The following RBFOX1 variants were observed in gnomAD, a reference collection of about 807,000 sequenced individuals.
RBFOX1 encodes RNA binding protein fox-1 homolog 1.
Under a neutral mutation model 57.7 loss-of-function variants are expected in RBFOX1, and 8 were observed. The ratio of observed to expected loss-of-function variants is 0.14; its 90% CI spans 0.08 to 0.25. The LOEUF is 0.25. Among genes scored for constraint, RBFOX1 ranks in the 10% least tolerant of loss-of-function variants. The probability of loss-of-function intolerance (pLI) is 1.00; values close to 1 mark genes in which losing one functional copy is unlikely to be tolerated. For synonymous variants in RBFOX1, 326 were observed against 222.4 expected, an observed-to-expected ratio of 1.47 and a Z score of -4.15; for missense variants, 611 against 548.5, an observed-to-expected ratio of 1.11 and a Z score of -1.14.
At chr16:7,651,900 G>C (rs78869338) in intron 11 of RBFOX1, among the ~76,000 whole-genome samples, 1 of 152,226 alleles carries the variant, frequency 6.6e-6, no homozygotes, top group Non-Finnish European at 1.5e-5. Context: ...AGTGAGATGG[G>C]ACAAGCGTAG....
chr16:5,359,081 T>C (rs1457770430), intron 1 of RBFOX1, among the ~76,000 whole-genome samples: 1 of 152,242 alleles, frequency 6.6e-6, no homozygotes, highest in African/African-American at 2.4e-5. Context: ...TTTCTGTGCC[T>C]GGCTTATTTC....
At chr16:6,900,526 C>T (rs978663263) in intron 3 of RBFOX1, among the ~76,000 whole-genome samples, 1 of 152,192 alleles carries the variant, frequency 6.6e-6, no homozygotes, top group African/African-American at 2.4e-5. Flanking sequence ...CCCTGCCCTT[C>T]TCTCAACACT....
chr16:6,060,122 G>GTTTTT lies in RBFOX1; in HGVS notation c.-127+40162_-127+40166dup, dbSNP rs199690584. Reference sequence around the variant, plus strand: ...ATTTGGCCCTAAAATTAGGATTAGGGTTTTTTTTTTTTTTTTTTTTTTTTT... The same window carrying GTTTTT: ...ATTTGGCCCTAAAATTAGGATTAGGGTTTTTTTTTTTTTTTTTTTTTTTTTTTTTT... On this transcript the variant is annotated intron_variant, in intron 1 of 15. Transcript: ENST00000550418. 7.0e-4 allele frequency among the ~76,000 whole-genome samples: 80 copies of GTTTTT among 114,188 alleles called. 5 individuals are homozygous for GTTTTT. The highest frequency in any genetic ancestry group is 1.5e-3 in the African/African-American group (42 of 27,742). 74.9% of individuals were successfully genotyped at this position (114,188 alleles called of 152,430 possible). A position where few individuals can be genotyped will look rare whatever the true frequency, so the allele number is the denominator to read the frequency against.
chr16:6,070,664 T>C (rs1050206900), intron 1 of RBFOX1, among the ~76,000 whole-genome samples: 7 of 146,700 alleles, frequency 4.8e-5, no homozygotes, highest in Admixed American at 3.4e-4. Flanking sequence ...GTTTAGCTTT[T>C]CTAAAAAAAA....
At chr16:6,401,334 A>T (rs928536344) in intron 2 of RBFOX1, among the ~76,000 whole-genome samples, 3 of 152,216 alleles carry the variant, frequency 2.0e-5, no homozygotes, top group South Asian at 2.1e-4. Flanking sequence ...GTGTACACTG[A>T]TATAAATAAA....
intron 3 of RBFOX1, among the ~76,000 whole-genome samples, chr16:5,627,361 A>C (rs1412585069): frequency 6.6e-6 from 1 of 152,136 alleles, no homozygotes; most frequent in Non-Finnish European, 1.5e-5. Flanking sequence ...GTAAAACAGA[A>C]ACCAAATTGT....
intron 1 of RBFOX1, among the ~76,000 whole-genome samples, chr16:6,244,265 C>T (rs1352512001): frequency 6.6e-6 from 1 of 151,754 alleles, no homozygotes; most frequent in Non-Finnish European, 1.5e-5. Context: ...ATGCCATTTC[C>T]TGCAGAATGA....
intron 12 of RBFOX1, among the ~76,000 whole-genome samples, chr16:7,658,442 T>C (rs1041248466): frequency 6.6e-6 from 1 of 152,058 alleles, no homozygotes; most frequent in Admixed American, 6.6e-5. Flanking sequence ...GATCCTGGAC[T>C]CAATTTGACT....
chr16:6,917,745 A>T lies in RBFOX1; in HGVS notation c.-15-134312A>T, dbSNP rs535598783. Among the ~76,000 whole-genome samples the T allele has an allele frequency of 3.3e-5, 5 of 152,298 alleles. No homozygotes were observed. The East Asian group carries it at 9.7e-4, about 29-fold the overall frequency. On this transcript the variant is annotated intron_variant, in intron 3 of 15. Transcript: ENST00000550418. ...GGGAACCTCGGCATTCCAAGTGGACATATTTCATATCCTCAGGGCTTGTTC... is the reference window on the plus strand; with the variant it reads ...GGGAACCTCGGCATTCCAAGTGGACTTATTTCATATCCTCAGGGCTTGTTC...
At chr16:6,590,366 C>T (rs923242592) in intron 2 of RBFOX1, among the ~76,000 whole-genome samples, 2 of 152,144 alleles carry the variant, frequency 1.3e-5, no homozygotes, top group African/African-American at 4.8e-5. Context: ...TTCTTCCCAC[C>T]TCCCTGGGGT....
intron 2 of RBFOX1, among the ~76,000 whole-genome samples, chr16:6,500,063 G>A (rs977206677): frequency 9.9e-5 from 15 of 152,106 alleles, no homozygotes; most frequent in Non-Finnish European, 4.4e-5. Context: ...TGTGAACCGG[G>A]TGTGAATGAT....
intron 4 of RBFOX1, among the ~76,000 whole-genome samples, chr16:7,067,358 T>A (rs1342216427): frequency 6.6e-6 from 1 of 152,082 alleles, no homozygotes; most frequent in East Asian, 1.9e-4. Flanking sequence ...TGCAGTTCTT[T>A]AGGTCAGAAT....
intron 2 of RBFOX1, among the ~76,000 whole-genome samples, chr16:6,541,824 C>G (rs949668833): frequency 2.6e-5 from 4 of 152,170 alleles, no homozygotes; most frequent in Admixed American, 6.5e-5. Flanking sequence ...GCGAAAAAGA[C>G]TTACAAACAA....
At chr16:6,836,274 A>G (rs926333252) in intron 3 of RBFOX1, among the ~76,000 whole-genome samples, 1 of 152,216 alleles carries the variant, frequency 6.6e-6, no homozygotes, top group Non-Finnish European at 1.5e-5. Flanking sequence ...AATCTGTTTT[A>G]CAAGCAATGA....
At chr16:6,055,242 T>A (rs12709149) in intron 1 of RBFOX1, among the ~76,000 whole-genome samples, 141,305 of 152,156 alleles carry the variant, frequency 0.93, 65,726 homozygotes, top group African/African-American at 0.97. Flanking sequence ...CATCTGTTCT[T>A]CTTTCAATGC....
chr16:6,179,728 T>C (rs1044651622), intron 1 of RBFOX1, among the ~76,000 whole-genome samples: 3 of 152,176 alleles, frequency 2.0e-5, no homozygotes, highest in Non-Finnish European at 4.4e-5. Context: ...ATACATCTAT[T>C]GGTATAAGGA....
chr16:6,927,414 C>CAAAAAAAAAAAAAAAAA (rs1194663760), intron 3 of RBFOX1, among the ~76,000 whole-genome samples: 3 of 53,154 alleles, frequency 5.6e-5, no homozygotes, highest in African/African-American at 3.2e-4. Context: ...CGCTTTCTCA[C>CAAAAAAAAAAAAAAAAA]AAAAAAAAAA....
rs141113468 is a variant in RBFOX1 at position 7,348,989 on chromosome 16, C to T, written c.28-169158C>T. Among the ~76,000 whole-genome samples the T allele has an allele frequency of 3.9e-3, 593 of 152,232 alleles. 5 individuals are homozygous for T. The highest frequency in any genetic ancestry group is 0.013 in the African/African-American group (559 of 41,534). Reference sequence around the variant, plus strand: ...GAGGCAGAGATTGATCGGCTCCAGTCAACCGGGTGAGTAGGAGGCTTCTGC... The same window carrying T: ...GAGGCAGAGATTGATCGGCTCCAGTTAACCGGGTGAGTAGGAGGCTTCTGC... On this transcript the variant is annotated intron_variant, in intron 4 of 15. Coordinates refer to ENST00000550418, the MANE Select transcript of RBFOX1 (RefSeq NM_018723.4).
intron 4 of RBFOX1, among the ~76,000 whole-genome samples, chr16:7,345,120 T>G (rs2096970580): frequency 1.3e-5 from 2 of 152,198 alleles, no homozygotes; most frequent in African/African-American, 4.8e-5. Context: ...TGTTGAAACC[T>G]GGAAATACAC....
Sources: gnomAD v4.1 joint callset for allele counts (sites outside exome capture counted in the v4.1 genomes callset) on GRCh38, gnomAD v4.1.1 for gene constraint, MANE v1.5 for transcripts, NCBI Gene and HGNC (gene_info 2026-07-23, HGNC 2026-07-21) for gene names.